DSCAM: variants seen among roughly 807,000 people sequenced by gnomAD.
DSCAM encodes the protein DS cell adhesion molecule.
A neutral mutation model predicts 217.7 loss-of-function variants in DSCAM; 47 were observed. The observed-to-expected ratio is 0.22, with a 90% CI of 0.17 to 0.28. The LOEUF (loss-of-function observed/expected upper bound fraction) is 0.28, where lower values mean the gene tolerates loss of function less well. Ranked by LOEUF, DSCAM falls within the 10% of genes least tolerant of loss-of-function variation. The probability of loss-of-function intolerance (pLI) is 1.00; values close to 1 mark genes in which losing one functional copy is unlikely to be tolerated. For missense variants in DSCAM, 2,080 were observed against 2,618.3 expected (o/e 0.79, Z 4.49); for synonymous variants, 1,056 against 1,015.3 (o/e 1.04, Z -0.76).
intron 27 of DSCAM, among the ~76,000 whole-genome samples, chr21:40,072,914 T>C (rs76488250): frequency 2.6e-5 from 4 of 152,332 alleles, no homozygotes; most frequent in Non-Finnish European, 4.4e-5. Flanking sequence ...GACTGCTGTC[T>C]TTACCAAAAC....
intron 8 of DSCAM, among the ~76,000 whole-genome samples, chr21:40,327,904 A>G (rs2074335276): frequency 6.6e-6 from 1 of 152,164 alleles, no homozygotes; most frequent in East Asian, 1.9e-4. Flanking sequence ...CAATAGCTAC[A>G]AAAACTAAAA....
chr21:40,845,540 C>CCTCTCTCTCTCTCTCTCTCTCTCTCT (rs71332310), intron 1 of DSCAM, among the ~76,000 whole-genome samples: 115 of 138,970 alleles, frequency 8.3e-4, no homozygotes, highest in African/African-American at 3.0e-3. Context: ...CTCTTCTTCT[C>CCTCTCTCTCTCTCTCTCTCTCTCTCT]CTCTCTCTCT....
intron 3 of DSCAM, among the ~76,000 whole-genome samples, chr21:40,634,599 A>T (rs2089731618): frequency 6.6e-6 from 1 of 152,230 alleles, no homozygotes; most frequent in African/African-American, 2.4e-5. Flanking sequence ...TCTCTGTAAT[A>T]GTATCTTAAT....
intron 3 of DSCAM, among the ~76,000 whole-genome samples, chr21:40,439,214 A>T (rs1485614830): frequency 6.6e-6 from 1 of 152,224 alleles, no homozygotes. Flanking sequence ...AACAGCTATG[A>T]TAGGTCTTGC....
chr21:40,815,284 T>C (rs935738521), intron 1 of DSCAM, among the ~76,000 whole-genome samples: 2 of 151,996 alleles, frequency 1.3e-5, no homozygotes, highest in African/African-American at 4.8e-5. Flanking sequence ...ATAAGGCTAT[T>C]TTCCCCCTAA....
intron 11 of DSCAM, among the ~76,000 whole-genome samples, chr21:40,250,043 T>C (rs756479352): frequency 6.6e-6 from 1 of 152,252 alleles, no homozygotes. Context: ...GGTCACTTTG[T>C]ACTGTTTTTG....
intron 1 of DSCAM, among the ~76,000 whole-genome samples, chr21:40,813,548 C>T (rs768099916): frequency 3.3e-5 from 5 of 151,622 alleles, no homozygotes; most frequent in East Asian, 1.9e-4. Flanking sequence ...TTTAAATTTC[C>T]GTCTTGATTT....
chr21:40,311,565 T>C (rs942940202), intron 9 of DSCAM, among the ~76,000 whole-genome samples: 1 of 152,166 alleles, frequency 6.6e-6, no homozygotes. Flanking sequence ...CGTCCCAAAA[T>C]AATGATAGAT....
At chr21:40,437,979 C>G (rs558468222) in intron 3 of DSCAM, among the ~76,000 whole-genome samples, 9 of 152,364 alleles carry the variant, frequency 5.9e-5, no homozygotes, top group African/African-American at 1.9e-4. Flanking sequence ...CAGTCTGACC[C>G]TATGTCCTAC....
At chr21:40,788,056 A>G (rs749127485) in intron 1 of DSCAM, among the ~76,000 whole-genome samples, 1 of 152,260 alleles carries the variant, frequency 6.6e-6, no homozygotes, top group Non-Finnish European at 1.5e-5. Context: ...GGAACATCCA[A>G]GCAAATCAAC....
chr21:40,042,798 G>T, intron 31 of DSCAM, 125 bp from the exon 32 acceptor site: 1 of 922,562 alleles, frequency 1.1e-6, no homozygotes, highest in Non-Finnish European at 1.6e-6. Flanking sequence ...AGGAGTTCTG[G>T]CTCCTTGGCG....
chr21:40,619,947 A>G (rs2089458401), intron 3 of DSCAM, among the ~76,000 whole-genome samples: 1 of 151,084 alleles, frequency 6.6e-6, no homozygotes. Context: ...GAGGAAAGGA[A>G]GAAAAAAGGA....
chr21:40,839,525 C>A (rs1237285615), intron 1 of DSCAM, among the ~76,000 whole-genome samples: 2 of 152,204 alleles, frequency 1.3e-5, no homozygotes, highest in Non-Finnish European at 2.9e-5. Context: ...ATATTGCCTT[C>A]TCATCCCCAG....
intron 20 of DSCAM, among the ~76,000 whole-genome samples, chr21:40,113,546 T>A (rs1469422695): frequency 6.6e-6 from 1 of 152,202 alleles, no homozygotes; most frequent in African/African-American, 2.4e-5. Flanking sequence ...AACATAGTGT[T>A]GGAAGTTCTG....
intron 3 of DSCAM, among the ~76,000 whole-genome samples, chr21:40,646,528 A>T (rs1430865888): frequency 1.3e-5 from 2 of 152,180 alleles, no homozygotes. Context: ...TGCCCACCAA[A>T]CTTCCTACAA....
intron 1 of DSCAM, among the ~76,000 whole-genome samples, chr21:40,783,439 G>C (rs1040439486): frequency 2.0e-5 from 3 of 152,192 alleles, no homozygotes; most frequent in Middle Eastern, 3.4e-3. Context: ...GTGTGTGTAC[G>C]TGTGTGTGCG....
intron 1 of DSCAM, among the ~76,000 whole-genome samples, chr21:40,785,778 A>G (rs2410290): frequency 0.022 from 3,352 of 152,324 alleles, 117 homozygotes; most frequent in African/African-American, 0.076. Flanking sequence ...CAGTGAGGAA[A>G]CCAACACATC....
chr21:40,270,761 C>T (rs988254753), intron 11 of DSCAM, among the ~76,000 whole-genome samples: 10 of 151,762 alleles, frequency 6.6e-5, no homozygotes, highest in African/African-American at 2.4e-4. Context: ...AGCTTGGGGG[C>T]CGCTTGGGGG....
In DSCAM at chr21:40,587,237, G is replaced by A. The variant is rs116961916; in HGVS notation, c.508+105573C>T. Among the ~76,000 whole-genome samples the A allele has an allele frequency of 1.3e-3, 199 of 152,114 alleles. 1 individual carries two copies. In the Middle Eastern group the frequency reaches 0.014, roughly 10 times the overall value. Reference sequence around the variant, plus strand: ...AAAATCATCTAATTTGTATCTACCCGTATTTCTGATGAGAACACTAGGGTC... The same window carrying A: ...AAAATCATCTAATTTGTATCTACCCATATTTCTGATGAGAACACTAGGGTC... On this transcript the variant is annotated intron_variant, in intron 3 of 32. Coordinates refer to ENST00000400454, the MANE Select transcript of DSCAM (RefSeq NM_001389.5).
Sources: gnomAD v4.1 joint callset for allele counts (sites outside exome capture counted in the v4.1 genomes callset) on GRCh38, gnomAD v4.1.1 for gene constraint, MANE v1.5 for transcripts, NCBI Gene and HGNC (gene_info 2026-07-23, HGNC 2026-07-21) for gene names.